Variants in LSM8 observed in about 807,000 individuals in gnomAD.
LSM8 encodes LSM8 U6 small nuclear RNA associated.
Under a neutral mutation model 15.0 loss-of-function variants are expected in LSM8, and 14 were observed. The ratio of observed to expected loss-of-function variants is 0.93; its 90% CI spans 0.62 to 1.46. The LOEUF is 1.46. Ranked by LOEUF, LSM8 falls within the 40% of genes most tolerant of loss-of-function variation. LSM8 has a pLI of 0.00. For synonymous variants in LSM8, 50 were observed against 42.1 expected (o/e 1.19, Z -0.73); for missense variants, 90 against 115.4 (o/e 0.78, Z 1.01).
chr7:118,194,426 T>A lies in LSM8; in HGVS notation c.*2424T>A, dbSNP rs62466475. Among the ~76,000 whole-genome samples the A allele has an allele frequency of 0.068, 10,414 of 152,104 alleles. 385 individuals are homozygous for A. The highest frequency in any genetic ancestry group is 0.11 in the East Asian group (565 of 5,166). On this transcript the variant is annotated 3_prime_UTR_variant, in exon 4 of 4. Transcript: ENST00000249299. ...ATAGTTTAAAATAACATTGCTTTTA[T>A]GTCAAAGCACTTTGGTAACTTGGCC... is the stretch of plus-strand genomic sequence containing the variant.
At position 118,195,626 on chromosome 7, in the gene LSM8, A is replaced by T. The variant is rs1450465601; in HGVS notation, c.*3624A>T. 6.6e-6 allele frequency among the ~76,000 whole-genome samples: 1 copy of T among 152,184 alleles called. No individual in the cohort carries two copies. The highest frequency in any genetic ancestry group is 1.9e-4 in the East Asian group (1 of 5,196). Reference sequence around the variant, plus strand: ...GAATATTCTTGACTCAAGGAGTTTGAAAGTGTAAACTCAAAGGTCTTTCAC... The same window carrying T: ...GAATATTCTTGACTCAAGGAGTTTGTAAGTGTAAACTCAAAGGTCTTTCAC... On this transcript the variant is annotated 3_prime_UTR_variant, in exon 4 of 4. Coordinates refer to ENST00000249299, the MANE Select transcript of LSM8 (RefSeq NM_016200.5).
At chr7:118,188,025 G>A (rs1212059202) in intron 2 of LSM8, among the ~76,000 whole-genome samples, 1 of 152,148 alleles carries the variant, frequency 6.6e-6, no homozygotes, top group East Asian at 1.9e-4. Flanking sequence ...TTAGTACATA[G>A]GTGTCCTTTG....
chr7:118,187,888 A>G (rs915855269), intron 2 of LSM8, among the ~76,000 whole-genome samples: 3 of 152,198 alleles, frequency 2.0e-5, no homozygotes, highest in African/African-American at 7.2e-5. Flanking sequence ...TGTAGTTGGT[A>G]TGTATGGTTC....
chr7:118,190,487 G>A (rs1251048092), intron 3 of LSM8: 1 of 152,152 alleles, frequency 6.6e-6, no homozygotes, highest in African/African-American at 2.4e-5. Context: ...GTTAATTGAT[G>A]TCTTGTTAGT....
intron 3 of LSM8, 92 bp from the exon 4 acceptor site, chr7:118,191,820 T>A: frequency 1.1e-6 from 1 of 908,474 alleles, no homozygotes; most frequent in Non-Finnish European, 1.7e-6. Context: ...TTTGGAAGAA[T>A]GGTACTCAGT....
At chr7:118,188,248 C>G in intron 2 of LSM8, 30 bp from the exon 3 acceptor site, 1 of 1,608,498 alleles carries the variant, frequency 6.2e-7, no homozygotes, top group Non-Finnish European at 8.5e-7. Context: ...CAGAATATTT[C>G]TCTTTTTCTC....
intron 1 of LSM8, chr7:118,184,886 AATT>A (rs1234705751): frequency 6.6e-6 from 1 of 152,220 alleles, no homozygotes; most frequent in Non-Finnish European, 1.5e-5. Flanking sequence ...GGGTGACAAA[AATT>A]AAATACCGAA....
rs1230386956 is a variant in LSM8, at chr7:118,197,339, G to T, written c.*5337G>T. Among the ~76,000 whole-genome samples, 1 of 151,988 alleles carries T rather than the reference G, an allele frequency of 6.6e-6. No individual in the cohort carries two copies. The highest frequency in any genetic ancestry group is 1.5e-5 in the Non-Finnish European group (1 of 67,994). ...GACAACTCCAGGGACACAATACATT[G>T]TGTCTTGTATTAAAAACTAGTGTGT... On this transcript the variant is annotated 3_prime_UTR_variant, in exon 4 of 4. Transcript: ENST00000249299.
chr7:118,186,356 G>A (rs538087635), intron 2 of LSM8, among the ~76,000 whole-genome samples: 4 of 152,242 alleles, frequency 2.6e-5, no homozygotes, highest in Admixed American at 6.5e-5. Flanking sequence ...TACTTTGAAT[G>A]CTTTCAAAAG....
At chr7:118,189,259 CA>C (rs373806750) in intron 3 of LSM8, 98 of 132,638 alleles carry the variant, frequency 7.4e-4, no homozygotes, top group Admixed American at 9.9e-4. Flanking sequence ...GACACCAATT[CA>C]AAAAAAAAAA....
chr7:118,188,881 TACTC>T (rs1243575025), intron 3 of LSM8: 1 of 152,428 alleles, frequency 6.6e-6, no homozygotes, highest in African/African-American at 2.4e-5. Flanking sequence ...AATAAGTACT[TACTC>T]GTTATTCATT....
At chr7:118,184,358 G>C in intron 1 of LSM8, 104 bp downstream of exon 1, 6 of 1,319,378 alleles carry the variant, frequency 4.5e-6, no homozygotes, top group Non-Finnish European at 5.9e-6. Flanking sequence ...GGATCCTGGG[G>C]GCGGGCGAGG....
chr7:118,190,809 C>T (rs1258024483), intron 3 of LSM8: 5 of 151,900 alleles, frequency 3.3e-5, no homozygotes, highest in Non-Finnish European at 1.5e-5. Flanking sequence ...TACTAGTATT[C>T]GTCTTTAGAA....
chr7:118,184,555 A>G, intron 1 of LSM8: 1 of 296,408 alleles, frequency 3.4e-6, no homozygotes, highest in Non-Finnish European at 6.3e-6. Flanking sequence ...TCCCTATGGC[A>G]TAAGTGTTAA....
Position 118,192,766 on chromosome 7 carries a change from A to C in LSM8, c.*764A>C, listed in dbSNP as rs974124268. ...AATTTTTAATTTTTAAGAATTGGAG[A>C]ATTTCTAATGTTAAAGTTAGTTTAT... On this transcript the variant is annotated 3_prime_UTR_variant, in exon 4 of 4. Transcript: ENST00000249299. 4.6e-5 allele frequency: 7 copies of C among 152,152 alleles called. No individual in the cohort carries two copies. Among genetic ancestry groups the C allele is most frequent in the African/African-American group, 9.7e-5 (4 of 41,448 alleles). 9.4% of individuals were successfully genotyped at this position (152,152 alleles called of 1,614,324 possible).
At chr7:118,186,845 A>C (rs1469203488) in intron 2 of LSM8, among the ~76,000 whole-genome samples, 1 of 152,198 alleles carries the variant, frequency 6.6e-6, no homozygotes, top group African/African-American at 2.4e-5. Flanking sequence ...TTTAATTTCA[A>C]CACTTCAGGA....
rs1809050154 is a variant in LSM8 at position 118,194,813 on chromosome 7, T to G, written c.*2811T>G. Reference sequence around the variant, plus strand: ...ATATTCTGGGCCTTCATCTTCAAAATTAGTAGGTAGTATTTATTGAGTGCA... The same window carrying G: ...ATATTCTGGGCCTTCATCTTCAAAAGTAGTAGGTAGTATTTATTGAGTGCA... On this transcript the variant is annotated 3_prime_UTR_variant, in exon 4 of 4. Transcript: ENST00000249299. Among the ~76,000 whole-genome samples, 1 of 152,014 alleles carries G rather than the reference T, an allele frequency of 6.6e-6. No homozygotes were observed. Among genetic ancestry groups the G allele is most frequent in the East Asian group, 1.9e-4 (1 of 5,192 alleles).
At chr7:118,185,323 G>T in intron 1 of LSM8, 1 of 197,096 alleles carries the variant, frequency 5.1e-6, no homozygotes, top group Non-Finnish European at 1.0e-5. Context: ...GCAGTGGCTT[G>T]ATCATGGCTC....
At position 118,200,514 on chromosome 7, in the gene LSM8, G is replaced by A. The variant is rs899779733; in HGVS notation, c.*8512G>A. On this transcript the variant is annotated 3_prime_UTR_variant, in exon 4 of 4. Transcript: ENST00000249299. ...ACTAAAAATAAGTGGTCTCTATCAC[G>A]TTGAAATTACTTTAATATTTTCATT... Among the ~76,000 whole-genome samples, 1 of 152,078 alleles carries A rather than the reference G, an allele frequency of 6.6e-6. No individual in the cohort carries two copies. Among genetic ancestry groups the A allele is most frequent in the African/African-American group, 2.4e-5 (1 of 41,424 alleles).
Sources: gnomAD v4.1 joint callset for allele counts (sites outside exome capture counted in the v4.1 genomes callset) on GRCh38, gnomAD v4.1.1 for gene constraint, MANE v1.5 for transcripts, NCBI Gene and HGNC (gene_info 2026-07-23, HGNC 2026-07-21) for gene names.